Variants in SNAPC1 observed in about 807,000 individuals in gnomAD.
The protein encoded by SNAPC1 is snRNA-activating protein complex subunit 1.
SNAPC1 carries 42 observed loss-of-function variants against 50.1 expected under a neutral mutation model. The observed-to-expected ratio is 0.84, with a 90% CI of 0.65 to 1.08. The LOEUF (loss-of-function observed/expected upper bound fraction) is 1.08. Ranked by LOEUF, SNAPC1 falls within the 50% of genes least tolerant of loss-of-function variation. The pLI, the probability that SNAPC1 is intolerant of heterozygous loss-of-function variation, is 0.00. For missense variants in SNAPC1, 477 were observed against 427.3 expected, an observed-to-expected ratio of 1.12 and a Z score of -1.02; for synonymous variants, 164 against 144.2, an observed-to-expected ratio of 1.14 and a Z score of -0.98.
intron 7 of SNAPC1, among the ~76,000 whole-genome samples, chr14:61,780,100 C>G (rs183768636): frequency 1.3e-4 from 20 of 152,228 alleles, no homozygotes; most frequent in Admixed American, 1.2e-3. Flanking sequence ...CTTATCTAAC[C>G]TCTAGATTTC....
At chr14:61,786,944 T>C (rs1022438384) in intron 8 of SNAPC1, among the ~76,000 whole-genome samples, 1 of 152,208 alleles carries the variant, frequency 6.6e-6, no homozygotes, top group African/African-American at 2.4e-5. Context: ...ATCCATGCAA[T>C]GAAATACAAC....
chr14:61,781,793 C>T (rs540806124), intron 7 of SNAPC1, among the ~76,000 whole-genome samples: 100 of 152,326 alleles, frequency 6.6e-4, no homozygotes, highest in African/African-American at 1.1e-3. Context: ...CCACATACCC[C>T]GCCTGCTTGC....
rs565317609 is a variant in SNAPC1 at position 61,762,701 on chromosome 14, G to A, written c.128+113G>A. The A allele has an allele frequency of 1.3e-3, 1,647 of 1,289,000 alleles. 28 individuals are homozygous for A. In the South Asian group the frequency reaches 0.021, roughly 16 times the overall value. The allele number at this position is 1,289,000 out of a possible 1,614,324, so 79.8% of individuals were successfully genotyped here. On this transcript the variant is annotated intron_variant, in intron 1 of 9. Transcript: ENST00000216294. ...AGGGCTGAGAAGAGCGGCAGTCACC[G>A]AAGGTTGCCTCCATGACTCCTGGAC...
chr14:61,768,814 T>TC, intron 4 of SNAPC1, 74 bp downstream of exon 4: 1 of 719,072 alleles, frequency 1.4e-6, no homozygotes. Flanking sequence ...GGTTATACCT[T>TC]CATCTACTGG....
At chr14:61,765,332 C>T (rs966286300) in intron 1 of SNAPC1, among the ~76,000 whole-genome samples, 8 of 152,248 alleles carry the variant, frequency 5.3e-5, no homozygotes, top group African/African-American at 1.9e-4. Context: ...GGTTATTTTG[C>T]CAAGGTTGAG....
chr14:61,775,150 T>G (rs1302077453), intron 4 of SNAPC1, among the ~76,000 whole-genome samples: 1 of 152,120 alleles, frequency 6.6e-6, no homozygotes, highest in Non-Finnish European at 1.5e-5. Flanking sequence ...TATGCTGTCT[T>G]TTTCCTTACC....
At chr14:61,767,161 T>G in intron 2 of SNAPC1, 51 bp from the exon 3 acceptor site, 1 of 1,300,464 alleles carries the variant, frequency 7.7e-7, no homozygotes. Flanking sequence ...ATAATATGTT[T>G]GTGAAAAAAT....
rs534721344 is a variant in SNAPC1, at chr14:61,776,000, A to G, written c.535-95A>G. The stretch of plus-strand genomic sequence containing the variant: ...TAGCATGTTATTACCTATCAACTGG[A>G]AGTCACTTTGGAAGGTGACTATTTT... On this transcript the variant is annotated intron_variant, in intron 4 of 9. Transcript: ENST00000216294. 2.5e-4 allele frequency: 216 copies of G among 857,438 alleles called. 1 individual carries two copies. In the African/African-American group the frequency reaches 3.2e-3, roughly 13 times the overall value. 53.1% of individuals were successfully genotyped at this position (857,438 alleles called of 1,614,324 possible).
At chr14:61,772,267 A>G (rs997540814) in intron 4 of SNAPC1, among the ~76,000 whole-genome samples, 10 of 150,472 alleles carry the variant, frequency 6.6e-5, no homozygotes, top group Non-Finnish European at 5.9e-5. Flanking sequence ...TTTTTTTCCG[A>G]GACGGTGTCT....
At position 61,776,422 on chromosome 14, in the gene SNAPC1, T is replaced by C. The variant is rs1023627857; in HGVS notation, c.693+169T>C. Among the ~76,000 whole-genome samples, 3 of 152,196 alleles carry C rather than the reference T, an allele frequency of 2.0e-5. No homozygotes were observed. In the East Asian group the frequency reaches 5.8e-4, roughly 29 times the overall value. On this transcript the variant is annotated intron_variant, in intron 5 of 9. Coordinates refer to ENST00000216294, the MANE Select transcript of SNAPC1 (RefSeq NM_003082.4). ...CTTTTGCCACTTATTAGGTATGTGA[T>C]GTTATTTAACCTGATAAATGGAGTA...
At chr14:61,770,720 T>A (rs1279553820) in intron 4 of SNAPC1, among the ~76,000 whole-genome samples, 1 of 152,106 alleles carries the variant, frequency 6.6e-6, no homozygotes, top group Non-Finnish European at 1.5e-5. Flanking sequence ...GTATGAAAAA[T>A]TGATGTCATA....
At chr14:61,783,653 A>T (rs1427812297) in intron 8 of SNAPC1, among the ~76,000 whole-genome samples, 1 of 148,092 alleles carries the variant, frequency 6.8e-6, no homozygotes, top group Non-Finnish European at 1.5e-5. Context: ...CTCCTGTCTG[A>T]GCCTCCCAAG....
chr14:61,794,186 C>T (rs1207126882), intron 9 of SNAPC1, among the ~76,000 whole-genome samples: 1 of 151,916 alleles, frequency 6.6e-6, no homozygotes, highest in East Asian at 1.9e-4. Flanking sequence ...TAGTCATTTT[C>T]TTCTTCTTAG....
Position 61,788,975 on chromosome 14 carries a change from G to C in SNAPC1, c.977-3832G>C, listed in dbSNP as rs148876516. On this transcript the variant is annotated intron_variant, in intron 8 of 9. Coordinates refer to ENST00000216294, the MANE Select transcript of SNAPC1 (RefSeq NM_003082.4). ...AGGCTGGGCACGGTGGCTGACGCCT[G>C]TAGTCCCAGCACTTTGGGAGGCCGA... Among the ~76,000 whole-genome samples the C allele has an allele frequency of 6.1e-3, 928 of 152,348 alleles. 10 individuals carry two copies. The highest frequency in any genetic ancestry group is 0.022 in the African/African-American group (902 of 41,566).
chr14:61,767,462 CT>C, intron 3 of SNAPC1, 110 bp downstream of exon 3: 3 of 601,996 alleles, frequency 5.0e-6, no homozygotes, highest in Non-Finnish European at 5.0e-6. Flanking sequence ...GTGTTCAAGA[CT>C]TTTAGCTTTT....
In SNAPC1 at chr14:61,786,852, G is replaced by T. The variant is rs569748659; in HGVS notation, c.976+4455G>T. On this transcript the variant is annotated intron_variant, in intron 8 of 9. Coordinates refer to ENST00000216294, the MANE Select transcript of SNAPC1 (RefSeq NM_003082.4). ...TTCACACAGAAATGTGTATGCAAAA[G>T]TTTATGTGGCTTTATTCATAATTGC... Among the ~76,000 whole-genome samples the T allele has an allele frequency of 2.0e-4, 31 of 152,318 alleles. No homozygotes were observed. In the East Asian group the frequency reaches 5.6e-3, roughly 27 times the overall value.
chr14:61,779,831 C>G (rs561903024), intron 7 of SNAPC1, among the ~76,000 whole-genome samples: 14 of 151,714 alleles, frequency 9.2e-5, no homozygotes, highest in African/African-American at 2.7e-4. Flanking sequence ...GCCTCAGCCT[C>G]TCGAGTAGCT....
At chr14:61,774,759 G>T (rs2045022500) in intron 4 of SNAPC1, among the ~76,000 whole-genome samples, 1 of 147,644 alleles carries the variant, frequency 6.8e-6, no homozygotes, top group African/African-American at 2.5e-5. Context: ...TGCCTCCCAG[G>T]TTCCAGTGAT....
chr14:61,767,352 G>C lies in SNAPC1; in HGVS notation c.429G>C (p.Leu143Phe). ...TTCACTTTACAGCAATGCCCAAATT[G>C]GTATGTTGCCTAAAATAATTTGGTT... ...RAFHFTAMPKLLSYRMKKKIH... is the reference protein window; with the variant it reads ...RAFHFTAMPKFLSYRMKKKIH... The change falls in exon 3 of 10, where the codon TTG becomes TTC. Residue 143 changes from leucine (L) to phenylalanine (F), a missense_variant and splice_region_variant. Leu to Phe is a conservative substitution (Grantham distance 22, BLOSUM62 0). Coordinates refer to ENST00000216294, the MANE Select transcript of SNAPC1 (RefSeq NM_003082.4). 6.9e-7 allele frequency: 1 copy of C among 1,447,954 alleles called. No individual in the cohort carries two copies. Among genetic ancestry groups the C allele is most frequent in the South Asian group, 1.5e-5 (1 of 65,180 alleles). The allele number at this position is 1,447,954 out of a possible 1,614,324, so 89.7% of individuals were successfully genotyped here.
Sources: gnomAD v4.1 joint callset for allele counts (sites outside exome capture counted in the v4.1 genomes callset) on GRCh38, gnomAD v4.1.1 for gene constraint, MANE v1.5 for transcripts, NCBI Gene and HGNC (gene_info 2026-07-23, HGNC 2026-07-21) for gene names.